Variants in LRFN5 observed in about 807,000 individuals in gnomAD.
LRFN5 encodes leucine rich repeat and fibronectin type III domain containing 5.
In LRFN5, 24 loss-of-function variants were observed where a neutral mutation model predicts 45.6. That is an observed-to-expected ratio of 0.53 (90% confidence interval 0.38 to 0.74). The LOEUF is 0.74. Ranked by LOEUF, LRFN5 falls within the 30% of genes least tolerant of loss-of-function variation. LRFN5 has a pLI of 0.00. For synonymous variants in LRFN5, 340 were observed against 313.8 expected, an observed-to-expected ratio of 1.08 and a Z score of -0.88; for missense variants, 776 against 861.5, an observed-to-expected ratio of 0.90 and a Z score of 1.24.
At chr14:41,650,261 ACACAC>A (rs1880036714) in intron 1 of LRFN5, among the ~76,000 whole-genome samples, 1 of 145,840 alleles carries the variant, frequency 6.9e-6, no homozygotes, top group African/African-American at 2.6e-5. Flanking sequence ...ACACACACAC[ACACAC>A]AAAAAAAAAA....
chr14:41,891,684 G>C lies in LRFN5; in HGVS notation c.1820G>C (p.Ser607Thr), dbSNP rs909171589. 6.2e-7 allele frequency: 1 copy of C among 1,614,102 alleles called. No individual in the cohort carries two copies. The highest frequency in any genetic ancestry group is 8.5e-7 in the Non-Finnish European group (1 of 1,180,044). Residue 607 changes from serine to threonine, a missense_variant, in exon 4 of 6, where the codon AGT (serine) becomes ACT (threonine). By Grantham distance (58) the Ser-to-Thr change is moderately conservative. Around this residue, in one of 2 missense-constraint regions of LRFN5, gnomAD observed 465 missense variants for 456.4 expected, o/e 1.02. Coordinates refer to ENST00000298119, the MANE Select transcript of LRFN5 (RefSeq NM_152447.5). ...EENAQCCKAT[S>T]DNVIQSSETC... ...AATGCCCAGTGTTGTAAAGCTACCAGTGACAATGTGATTCAATCTTCAGAA... is the reference window on the plus strand; with the variant it reads ...AATGCCCAGTGTTGTAAAGCTACCACTGACAATGTGATTCAATCTTCAGAA...
intron 2 of LRFN5, among the ~76,000 whole-genome samples, chr14:41,787,845 G>A (rs1052072673): frequency 6.6e-6 from 1 of 151,938 alleles, no homozygotes; most frequent in Non-Finnish European, 1.5e-5. Context: ...ACATGTTGGA[G>A]CACTAACCCC....
chr14:41,703,036 T>A (rs1882903785), intron 1 of LRFN5, among the ~76,000 whole-genome samples: 1 of 152,076 alleles, frequency 6.6e-6, no homozygotes, highest in Non-Finnish European at 1.5e-5. Flanking sequence ...CTGGTAAAAA[T>A]GAAAGAGGAA....
chr14:41,888,099 G>T, intron 3 of LRFN5, 89 bp downstream of exon 3: 1 of 993,128 alleles, frequency 1.0e-6, no homozygotes, highest in Non-Finnish European at 1.5e-6. Context: ...AATTGGCAGT[G>T]CTGTTCTGTG....
At chr14:41,740,496 T>C (rs1024728544) in intron 1 of LRFN5, among the ~76,000 whole-genome samples, 2 of 152,072 alleles carry the variant, frequency 1.3e-5, no homozygotes, top group South Asian at 4.1e-4. Context: ...TTTGACTACA[T>C]TTAACATCTG....
intron 2 of LRFN5, among the ~76,000 whole-genome samples, chr14:41,772,055 G>T (rs560564306): frequency 1.3e-5 from 2 of 152,180 alleles, no homozygotes; most frequent in Non-Finnish European, 2.9e-5. Context: ...GAAGCTTACC[G>T]TCATGGCAGA....
chr14:41,858,200 G>C (rs1418445012), intron 2 of LRFN5, among the ~76,000 whole-genome samples: 1 of 152,060 alleles, frequency 6.6e-6, no homozygotes, highest in African/African-American at 2.4e-5. Context: ...ATCTTCACCT[G>C]TTAGTGAGCA....
intron 1 of LRFN5, among the ~76,000 whole-genome samples, chr14:41,688,938 A>T (rs546586310): frequency 6.6e-6 from 1 of 151,236 alleles, no homozygotes; most frequent in African/African-American, 2.4e-5. Flanking sequence ...AGGAAAAAGA[A>T]AAAAGCTGGG....
intron 2 of LRFN5, among the ~76,000 whole-genome samples, chr14:41,804,289 G>T (rs1887443168): frequency 6.6e-6 from 1 of 151,998 alleles, no homozygotes. Context: ...CAATCATAGG[G>T]GTGTAGAAAA....
At chr14:41,775,693 A>C (rs963912600) in intron 2 of LRFN5, among the ~76,000 whole-genome samples, 3 of 152,212 alleles carry the variant, frequency 2.0e-5, no homozygotes, top group African/African-American at 7.2e-5. Context: ...CAATTGAAAA[A>C]ATGCATTCAT....
intron 1 of LRFN5, among the ~76,000 whole-genome samples, chr14:41,740,599 T>C (rs1464808115): frequency 1.3e-5 from 2 of 152,090 alleles, no homozygotes; most frequent in East Asian, 3.9e-4. Context: ...TAATATCATA[T>C]TAAACAGTGA....
intron 2 of LRFN5, among the ~76,000 whole-genome samples, chr14:41,818,761 T>G (rs149220460): frequency 6.6e-6 from 1 of 152,128 alleles, no homozygotes; most frequent in Non-Finnish European, 1.5e-5. Flanking sequence ...AAAAATAGAT[T>G]TGTGGGCACA....
rs1275814646 is a variant in LRFN5 at position 41,819,014 on chromosome 14, T to C, written c.-21+51985T>C. The stretch of plus-strand genomic sequence containing the variant: ...GGTACTTGGCTGTGTTTTTGAGTTA[T>C]TTTACTTAAGATAATAGCCTCCAGT... On this transcript the variant is annotated intron_variant, in intron 2 of 5. Transcript: ENST00000298119. Among the ~76,000 whole-genome samples the C allele has an allele frequency of 2.6e-5, 4 of 152,206 alleles. No individual in the cohort carries two copies. In the East Asian group the frequency reaches 5.8e-4, roughly 22 times the overall value.
chr14:41,636,262 T>C lies in LRFN5; in HGVS notation c.-197+27700T>C, dbSNP rs1010976060. Among the ~76,000 whole-genome samples, 4 of 152,316 alleles carry C rather than the reference T, an allele frequency of 2.6e-5. No individual in the cohort carries two copies. In the East Asian group the frequency reaches 7.7e-4, roughly 29 times the overall value. On this transcript the variant is annotated intron_variant, in intron 1 of 5. Coordinates refer to ENST00000298119, the MANE Select transcript of LRFN5 (RefSeq NM_152447.5). Reference sequence around the variant, plus strand: ...ATGAGGAAATACATCATGGAGTTGGTATTACAAATGGACATAAACATATGG... The same window carrying C: ...ATGAGGAAATACATCATGGAGTTGGCATTACAAATGGACATAAACATATGG...
chr14:41,630,673 G>T (rs989842794), intron 1 of LRFN5, among the ~76,000 whole-genome samples: 2 of 150,490 alleles, frequency 1.3e-5, no homozygotes, highest in African/African-American at 2.5e-5. Context: ...AATGGGAAAA[G>T]ATAATTTTCT....
chr14:41,841,270 A>G (rs2139054218), intron 2 of LRFN5, among the ~76,000 whole-genome samples: 1 of 152,078 alleles, frequency 6.6e-6, no homozygotes, highest in South Asian at 2.1e-4. Flanking sequence ...GAAAACCTGA[A>G]CATGAAAAAG....
At chr14:41,757,247 A>G (rs1329171737) in intron 1 of LRFN5, among the ~76,000 whole-genome samples, 1 of 152,186 alleles carries the variant, frequency 6.6e-6, no homozygotes, top group Non-Finnish European at 1.5e-5. Flanking sequence ...TCAGATCTCC[A>G]GCTGCGTGCT....
intron 1 of LRFN5, among the ~76,000 whole-genome samples, chr14:41,670,080 T>A (rs1881099625): frequency 6.7e-6 from 1 of 148,620 alleles, no homozygotes; most frequent in African/African-American, 2.5e-5. Context: ...CACCTATATA[T>A]ACACATATAT....
At chr14:41,755,562 GT>G (rs1351901384) in intron 1 of LRFN5, among the ~76,000 whole-genome samples, 1 of 152,080 alleles carries the variant, frequency 6.6e-6, no homozygotes, top group Non-Finnish European at 1.5e-5. Context: ...TTTAAAGTCT[GT>G]TTTATCAGAG....
Sources: gnomAD v4.1 joint callset for allele counts (sites outside exome capture counted in the v4.1 genomes callset) on GRCh38, gnomAD v4.1.1 for gene constraint, gnomAD v4.1.1 regional missense constraint, MANE v1.5 for transcripts, NCBI Gene and HGNC (gene_info 2026-07-23, HGNC 2026-07-21) for gene names.